The following NAV1 variants were observed in gnomAD, a reference collection of about 807,000 sequenced individuals.
NAV1 encodes pore membrane and/or filament interacting like protein 3.
A neutral mutation model predicts 175.2 loss-of-function variants in NAV1; 18 were observed. The ratio of observed to expected loss-of-function variants is 0.10; its 90% CI spans 0.07 to 0.15. The LOEUF (loss-of-function observed/expected upper bound fraction) is 0.15, where lower values mean the gene tolerates loss of function less well. Among genes scored for constraint, NAV1 ranks in the 10% least tolerant of loss-of-function variants. The probability of loss-of-function intolerance (pLI) is 1.00; values close to 1 mark genes in which losing one functional copy is unlikely to be tolerated. For synonymous variants in NAV1, 897 were observed against 978.7 expected, an observed-to-expected ratio of 0.92 and a Z score of 1.56; for missense variants, 1,731 against 2,436.6, an observed-to-expected ratio of 0.71 and a Z score of 6.10.
Position 201,718,265 on chromosome 1 carries a change from G to A in NAV1, c.861-125G>A, listed in dbSNP as rs1018963541. Reference sequence around the variant, plus strand: ...GGCCTCATGGAGGAGGTGGAGCTTGGGCAGGTGGGGAGGAGGTGACAGGGC... The same window carrying A: ...GGCCTCATGGAGGAGGTGGAGCTTGAGCAGGTGGGGAGGAGGTGACAGGGC... On this transcript the variant is annotated intron_variant, in intron 2 of 29. Transcript: ENST00000367296. This position sits in a 1 kb window ranked among gnomAD's most constrained non-coding sequence, Gnocchi z 4.8. 1.3e-5 allele frequency: 13 copies of A among 1,025,354 alleles called. No homozygotes were observed. The highest frequency in any genetic ancestry group is 1.6e-5 in the Non-Finnish European group (12 of 746,964). 63.5% of individuals were successfully genotyped at this position (1,025,354 alleles called of 1,614,324 possible).
exon 1 of NAV1, chr1:201,648,962 G>A (rs769361688): frequency 5.0e-6 from 8 of 1,613,016 alleles, no homozygotes; most frequent in Admixed American, 1.7e-5. Context: ...CTTTTCTCAC[G>A]GACTCCGAGA....
In NAV1 at chr1:201,684,445, T is replaced by C. The variant is rs929836597; in HGVS notation, c.758-28372T>C. On this transcript the variant is annotated intron_variant, in intron 1 of 29. Coordinates refer to ENST00000367296, the Ensembl canonical transcript of NAV1. The stretch of plus-strand genomic sequence containing the variant: ...GCAACGCTAACCTAATAGCACGTGG[T>C]TCATTCTAAACTTTCTTCCTTTATG... Among the ~76,000 whole-genome samples the C allele has an allele frequency of 3.3e-5, 5 of 151,622 alleles. 1 individual carries two copies. The highest frequency in any genetic ancestry group is 1.2e-4 in the African/African-American group (5 of 41,342).
intron 1 of NAV1, among the ~76,000 whole-genome samples, chr1:201,680,769 C>A (rs933043958): frequency 2.0e-5 from 3 of 148,542 alleles, no homozygotes; most frequent in Non-Finnish European, 4.5e-5. Flanking sequence ...TTGCACCCTT[C>A]GCCCAGTGGG....
rs748324513 is a variant in NAV1 at position 201,694,870 on chromosome 1, A to C, written c.758-17947A>C. 3.3e-5 allele frequency among the ~76,000 whole-genome samples: 5 copies of C among 152,238 alleles called. No homozygotes were observed. The highest frequency in any genetic ancestry group is 6.5e-5 in the Admixed American group (1 of 15,292). On this transcript the variant is annotated intron_variant, in intron 1 of 29. Transcript: ENST00000367296. This position sits in a 1 kb window ranked among gnomAD's most constrained non-coding sequence, Gnocchi z 4.2. Reference sequence around the variant, plus strand: ...GCTTATCAGTCTCTTCAGCTGCCAAACGAACCAAGAAGCTGCCTCACAGGA... The same window carrying C: ...GCTTATCAGTCTCTTCAGCTGCCAACCGAACCAAGAAGCTGCCTCACAGGA...
At chr1:201,638,976 G>A (rs1450075339) in intron 2 of NAV1, among the ~76,000 whole-genome samples, 3 of 152,228 alleles carry the variant, frequency 2.0e-5, no homozygotes, top group Non-Finnish European at 4.4e-5. Flanking sequence ...TGGGTACCCA[G>A]CCCCTGACTA....
intron 15 of NAV1, among the ~76,000 whole-genome samples, chr1:201,802,444 G>A (rs1250815247): frequency 8.9e-6 from 1 of 112,388 alleles, no homozygotes; most frequent in African/African-American, 3.4e-5. Context: ...AACACAGCAA[G>A]ACCCTGTCTC....
intron 1 of NAV1, among the ~76,000 whole-genome samples, chr1:201,671,309 G>A (rs192809564): frequency 2.0e-5 from 3 of 151,970 alleles, no homozygotes; most frequent in African/African-American, 4.8e-5. Context: ...TCCTTTTTAC[G>A]GGCTGAACTG....
chr1:201,689,520 G>A (rs1257273789), intron 1 of NAV1, among the ~76,000 whole-genome samples: 1 of 152,210 alleles, frequency 6.6e-6, no homozygotes, highest in African/African-American at 2.4e-5. Context: ...AGGTTCATAA[G>A]CAAAAGGGAC....
chr1:201,562,319 C>G (rs1666225401), intron 1 of NAV1, among the ~76,000 whole-genome samples: 1 of 152,174 alleles, frequency 6.6e-6, no homozygotes, highest in Non-Finnish European at 1.5e-5. Context: ...CAAACCCAAC[C>G]TGAAGGTATT....
At chr1:201,803,463 A>T in intron 15 of NAV1, 130 bp from the exon 20 acceptor site, 3 of 950,816 alleles carry the variant, frequency 3.2e-6, no homozygotes. Context: ...GAATGATCCA[A>T]AAAAATGAAT....
intron 1 of NAV1, among the ~76,000 whole-genome samples, chr1:201,653,604 T>C (rs1669289860): frequency 6.6e-6 from 1 of 152,194 alleles, no homozygotes; most frequent in Non-Finnish European, 1.5e-5. Flanking sequence ...TTTTCCTTTT[T>C]ATTCAGTGCA....
At chr1:201,785,382 T>C in intron 8 of NAV1, 31 bp downstream of exon 12, 3 of 1,601,948 alleles carry the variant, frequency 1.9e-6, no homozygotes, top group Non-Finnish European at 2.6e-6. Context: ...TTCTTCCCTA[T>C]AAATGGGACT....
At chr1:201,820,331 T>C (rs1317221593) in exon 30 of NAV1, 5 of 156,468 alleles carry the variant, frequency 3.2e-5, no homozygotes, top group Non-Finnish European at 7.1e-5. Context: ...GAGACAGTCT[T>C]GTGAGGGAGA....
intron 2 of NAV1, among the ~76,000 whole-genome samples, chr1:201,633,068 A>AC (rs1668524194): frequency 6.6e-6 from 1 of 152,192 alleles, no homozygotes; most frequent in South Asian, 2.1e-4. Flanking sequence ...TAGGAAGTCA[A>AC]AGCTCTAACA....
At chr1:201,657,949 C>G (rs565474023) in intron 1 of NAV1, among the ~76,000 whole-genome samples, 2 of 152,172 alleles carry the variant, frequency 1.3e-5, no homozygotes, top group Non-Finnish European at 2.9e-5. Context: ...GGAAGGATCA[C>G]TTGAGCCCGG....
intron 1 of NAV1, 42 bp from the exon 4 acceptor site, chr1:201,629,362 G>A: frequency 2.4e-6 from 3 of 1,251,634 alleles, no homozygotes; most frequent in Non-Finnish European, 3.2e-6. Context: ...TAGAGACCAG[G>A]ACATCTCTAC....
chr1:201,635,008 T>C (rs185061072), intron 2 of NAV1, among the ~76,000 whole-genome samples: 1 of 152,256 alleles, frequency 6.6e-6, no homozygotes, highest in East Asian at 1.9e-4. Context: ...AGGAAATTCA[T>C]ATCCAATTGA....
chr1:201,539,697 G>A lies in NAV1; in HGVS notation c.-144+355G>A, dbSNP rs1571810336. Among the ~76,000 whole-genome samples the A allele has an allele frequency of 6.6e-6, 1 of 152,284 alleles. No individual in the cohort carries two copies. Among genetic ancestry groups the A allele is most frequent in the East Asian group, 1.9e-4 (1 of 5,182 alleles). Reference sequence around the variant, plus strand: ...TTAAAGTGCGTTGAGATCTTATCATGAGACACCAGGTGCTGCGTTCTTATA... The same window carrying A: ...TTAAAGTGCGTTGAGATCTTATCATAAGACACCAGGTGCTGCGTTCTTATA... On this transcript the variant is annotated intron_variant, in intron 1 of 33. Coordinates refer to the NAV1 transcript ENST00000685211. This position sits in a 1 kb window ranked among gnomAD's most constrained non-coding sequence, Gnocchi z 5.6.
chr1:201,783,414 C>G (rs567744900), exon 7 of NAV1: 1 of 1,613,600 alleles, frequency 6.2e-7, no homozygotes, highest in Admixed American at 1.7e-5. Flanking sequence ...AGGGCCACAG[C>G]GAAGAGCTTT....
Sources: allele counts gnomAD v4.1 joint callset (sites outside exome capture counted in the v4.1 genomes callset), GRCh38; gene constraint gnomAD v4.1.1; non-coding constraint Gnocchi (gnomAD v3.1); transcripts MANE v1.5; gene names NCBI Gene and HGNC (gene_info 2026-07-23, HGNC 2026-07-21).